The following PCDHGA12 variants were observed in gnomAD, a reference collection of about 807,000 sequenced individuals.
PCDHGA12 encodes the protein protocadherin gamma-A12.
A neutral mutation model predicts 61.1 loss-of-function variants in PCDHGA12; 43 were observed. That is an observed-to-expected ratio of 0.70 (90% CI 0.55 to 0.91). The LOEUF (loss-of-function observed/expected upper bound fraction) is 0.91. Among genes scored for constraint, PCDHGA12 ranks in the 40% least tolerant of loss-of-function variants. The pLI, the probability that PCDHGA12 is intolerant of heterozygous loss-of-function variation, is 0.00. For missense variants in PCDHGA12, 1,236 were observed against 1,227.7 expected, an observed-to-expected ratio of 1.01 and a Z score of -0.10; for synonymous variants, 520 against 542.9, an observed-to-expected ratio of 0.96 and a Z score of 0.59.
intron 1 of PCDHGA12, among the ~76,000 whole-genome samples, chr5:141,449,413 C>G (rs2098637966): frequency 6.6e-6 from 1 of 151,656 alleles, no homozygotes; most frequent in African/African-American, 2.4e-5. Flanking sequence ...TCAAGACCAG[C>G]CTGGCCAACA....
chr5:141,431,093 G>A lies in PCDHGA12; in HGVS notation c.334G>A (p.Asp112Asn). 6.2e-7 allele frequency: 1 copy of A among 1,614,250 alleles called. No individual in the cohort carries two copies. The highest frequency in any genetic ancestry group is 8.5e-7 in the Non-Finnish European group (1 of 1,180,032). Residue 112 changes from aspartate to asparagine, a missense_variant, in exon 1 of 4, where the codon GAT becomes AAT. By Grantham distance (23) the Asp-to-Asn change is conservative. Transcript: ENST00000252085. The surrounding 1 kb of genome is among the most constrained non-coding windows in gnomAD (Gnocchi z 4.8). Reference sequence around the variant, plus strand: ...ATTAAATCTAGACATTCTGATGGAGGATAAAGTGAAAATATATGGAGTAGA... The same window carrying A: ...ATTAAATCTAGACATTCTGATGGAGAATAAAGTGAAAATATATGGAGTAGA... ...CQLNLDILME[D>N]KVKIYGVEVE... is the part of the protein sequence containing the mutation.
chr5:141,476,018 A>G lies in PCDHGA12; in HGVS notation c.2425-18789A>G. 7.3e-7 allele frequency: 1 copy of G among 1,371,412 alleles called. No homozygotes were observed. Among genetic ancestry groups the G allele is most frequent in the African/African-American group, 1.4e-5 (1 of 69,226 alleles). The allele number at this position is 1,371,412 out of a possible 1,614,324, so 85.0% of individuals were successfully genotyped here. A position where few individuals can be genotyped will look rare whatever the true frequency, so the allele number is the denominator to read the frequency against. The stretch of plus-strand genomic sequence containing the variant: ...AACGGCATCCAGAAAGCCATGTCGG[A>G]CTCGGCGCCCAGCGCCCAAGCGCTA... On this transcript the variant is annotated intron_variant, in intron 1 of 3. Coordinates refer to ENST00000252085, the MANE Select transcript of PCDHGA12 (RefSeq NM_003735.3). This position sits in a 1 kb window ranked among gnomAD's most constrained non-coding sequence, Gnocchi z 7.6.
chr5:141,494,921 A>C (rs1345734925), intron 2 of PCDHGA12, 56 bp downstream of exon 2: 6 of 1,613,556 alleles, frequency 3.7e-6, no homozygotes, highest in Non-Finnish European at 5.1e-6. Flanking sequence ...CTCAGGGATG[A>C]CGTGGGAGGA....
intron 1 of PCDHGA12, chr5:141,442,382 T>C (rs1256682275): frequency 6.6e-6 from 1 of 152,290 alleles, no homozygotes; most frequent in East Asian, 1.9e-4. Flanking sequence ...CTACCAGGTG[T>C]GTGCTTCTCC....
chr5:141,491,583 C>G lies in PCDHGA12; in HGVS notation c.2425-3224C>G. On this transcript the variant is annotated intron_variant, in intron 1 of 3. Coordinates refer to ENST00000252085, the MANE Select transcript of PCDHGA12 (RefSeq NM_003735.3). This position sits in a 1 kb window ranked among gnomAD's most constrained non-coding sequence, Gnocchi z 6.9. ...GCTACAGGACGTGCTTTTCACCGGC[C>G]TCGGACGGCAGTGACTTCACTTTTC... is the stretch of plus-strand genomic sequence containing the variant. 1 of 1,613,964 alleles carries G rather than the reference C, an allele frequency of 6.2e-7. No individual in the cohort carries two copies. The highest frequency in any genetic ancestry group is 8.5e-7 in the Non-Finnish European group (1 of 1,180,046).
intron 1 of PCDHGA12, 157 bp from the exon 2 acceptor site, chr5:141,494,650 T>G (rs1366776271): frequency 1.0e-6 from 1 of 960,138 alleles, no homozygotes; most frequent in East Asian, 1.1e-4. Context: ...CTGAGGTGTA[T>G]TTTGTCTTTG....
chr5:141,448,394 T>A (rs1360417681), intron 1 of PCDHGA12, among the ~76,000 whole-genome samples: 2 of 152,206 alleles, frequency 1.3e-5, no homozygotes, highest in Admixed American at 6.5e-5. Context: ...TACATTTACA[T>A]GGTTTTAAAA....
In PCDHGA12 at chr5:141,500,938, G is replaced by A. The variant is rs1317178701; in HGVS notation, c.2484-4455G>A. On this transcript the variant is annotated intron_variant, in intron 2 of 3. Transcript: ENST00000252085. Reference sequence around the variant, plus strand: ...GGCTGGGGTGCAGTGGCGCCATCTCGGCTCACTGCAAGCTCCACCTCCTGG... The same window carrying A: ...GGCTGGGGTGCAGTGGCGCCATCTCAGCTCACTGCAAGCTCCACCTCCTGG... 2.6e-5 allele frequency among the ~76,000 whole-genome samples: 4 copies of A among 151,060 alleles called. No homozygotes were observed. The East Asian group carries it at 5.8e-4, about 22-fold the overall frequency.
intron 3 of PCDHGA12, among the ~76,000 whole-genome samples, chr5:141,506,682 C>A (rs1333272766): frequency 6.6e-6 from 1 of 152,192 alleles, no homozygotes; most frequent in East Asian, 1.9e-4. Context: ...ATATTATTAT[C>A]TTTGCTGACC....
At chr5:141,443,481 G>C (rs1025329476) in intron 1 of PCDHGA12, among the ~76,000 whole-genome samples, 3 of 152,114 alleles carry the variant, frequency 2.0e-5, no homozygotes, top group African/African-American at 7.2e-5. Context: ...ATTAGACCCT[G>C]TCCCAAAACA....
intron 2 of PCDHGA12, among the ~76,000 whole-genome samples, chr5:141,500,187 TA>T (rs56304898): frequency 0.051 from 5,679 of 110,700 alleles, 126 homozygotes; most frequent in Middle Eastern, 0.14. Flanking sequence ...TTTTTATTTT[TA>T]TTTATTTATT....
chr5:141,441,800 G>T, intron 1 of PCDHGA12: 1 of 382,594 alleles, frequency 2.6e-6, no homozygotes, highest in Non-Finnish European at 5.2e-6. Flanking sequence ...ACGCACCGCG[G>T]GTGCTGTACC....
chr5:141,472,068 G>C (rs1050927364), intron 1 of PCDHGA12, among the ~76,000 whole-genome samples: 7 of 151,974 alleles, frequency 4.6e-5, no homozygotes, highest in Non-Finnish European at 8.8e-5. Context: ...CATGTCTGTG[G>C]TTATATCAAT....
intron 2 of PCDHGA12, among the ~76,000 whole-genome samples, chr5:141,504,802 C>G (rs370355030): frequency 6.6e-6 from 1 of 152,030 alleles, no homozygotes; most frequent in East Asian, 1.9e-4. Context: ...ACATCTCCCC[C>G]TAGGTACCTC....
intron 2 of PCDHGA12, among the ~76,000 whole-genome samples, chr5:141,499,689 CTTTTTT>C (rs545067566): frequency 3.3e-5 from 4 of 119,854 alleles, no homozygotes; most frequent in Admixed American, 8.7e-5. Flanking sequence ...TAACAGATGA[CTTTTTT>C]TTTTTTTTTT....
intron 1 of PCDHGA12, among the ~76,000 whole-genome samples, chr5:141,434,848 C>T (rs1224972794): frequency 6.6e-6 from 1 of 151,786 alleles, no homozygotes; most frequent in Non-Finnish European, 1.5e-5. Context: ...AAGCAGACAT[C>T]AATAAATTTA....
intron 1 of PCDHGA12, chr5:141,440,534 C>A (rs562736984): frequency 1.3e-5 from 2 of 152,188 alleles, no homozygotes; most frequent in East Asian, 3.9e-4. Flanking sequence ...TCATGCACCA[C>A]GGTTCAGCAG....
intron 1 of PCDHGA12, among the ~76,000 whole-genome samples, chr5:141,433,761 T>G (rs2154555909): frequency 6.7e-6 from 1 of 148,664 alleles, no homozygotes; most frequent in Admixed American, 6.8e-5. Context: ...TGCTTTAACC[T>G]GGGAGGTGGA....
intron 1 of PCDHGA12, among the ~76,000 whole-genome samples, chr5:141,443,858 T>C (rs1325927807): frequency 6.6e-6 from 1 of 152,162 alleles, no homozygotes; most frequent in Non-Finnish European, 1.5e-5. Context: ...GTCTGAAAAC[T>C]GAAAAAATTA....
Sources: allele counts gnomAD v4.1 joint callset (sites outside exome capture counted in the v4.1 genomes callset), GRCh38; gene constraint gnomAD v4.1.1; non-coding constraint Gnocchi (gnomAD v3.1); transcripts MANE v1.5; gene names NCBI Gene and HGNC (gene_info 2026-07-23, HGNC 2026-07-21).